The following GRIK4 variants were observed in gnomAD, a reference collection of about 807,000 sequenced individuals.
The protein encoded by GRIK4 is glutamate receptor ionotropic, kainate 4.
In GRIK4, 40 loss-of-function variants were observed where a neutral mutation model predicts 104.9. That is an observed-to-expected ratio of 0.38 (90% CI 0.30 to 0.50). The LOEUF (loss-of-function observed/expected upper bound fraction) is 0.50, where lower values mean the gene tolerates loss of function less well. Ranked by LOEUF, GRIK4 falls within the 20% of genes least tolerant of loss-of-function variation. GRIK4 has a pLI of 0.93. For synonymous variants in GRIK4, 485 were observed against 524.9 expected (o/e 0.92, Z 1.04); for missense variants, 1,047 against 1,308.1 (o/e 0.80, Z 3.08).
chr11:120,636,538 C>T (rs957129506), intron 1 of GRIK4, among the ~76,000 whole-genome samples: 9 of 152,052 alleles, frequency 5.9e-5, no homozygotes. Context: ...TCGGATTCTT[C>T]CCTAGAAAGA....
intron 1 of GRIK4, among the ~76,000 whole-genome samples, chr11:120,630,076 G>A (rs1949315901): frequency 6.6e-6 from 1 of 152,334 alleles, no homozygotes; most frequent in African/African-American, 2.4e-5. Flanking sequence ...GGGTCTAGGA[G>A]TCCTTCTGAG....
chr11:120,634,437 T>C (rs534268341), intron 1 of GRIK4, among the ~76,000 whole-genome samples: 25 of 152,114 alleles, frequency 1.6e-4, no homozygotes, highest in East Asian at 5.9e-4. Flanking sequence ...ATTTCCCAGG[T>C]TGAAAGTTCT....
intron 8 of GRIK4, among the ~76,000 whole-genome samples, chr11:120,845,980 G>A (rs1350165174): frequency 2.6e-5 from 4 of 152,218 alleles, no homozygotes; most frequent in African/African-American, 4.8e-5. Flanking sequence ...TGTCTCCTGG[G>A]CGTGCTTGGG....
In GRIK4 at chr11:120,964,722, A is replaced by T. The variant is rs115689825; in HGVS notation, c.2266+2041A>T. 1.1e-3 allele frequency among the ~76,000 whole-genome samples: 165 copies of T among 152,338 alleles called. 1 individual carries two copies. Among genetic ancestry groups the T allele is most frequent in the African/African-American group, 3.9e-3 (161 of 41,586 alleles). On this transcript the variant is annotated intron_variant, in intron 18 of 20. Coordinates refer to ENST00000527524, the MANE Select transcript of GRIK4 (RefSeq NM_014619.5). The stretch of plus-strand genomic sequence containing the variant: ...AAATGGAAGGAAATTCATTTGCTCT[A>T]TATCTGACATGACACTGTTTTCACA...
chr11:120,784,066 G>A (rs1175642919), intron 3 of GRIK4, among the ~76,000 whole-genome samples: 2 of 152,198 alleles, frequency 1.3e-5, no homozygotes, highest in African/African-American at 4.8e-5. Context: ...TCCCCAGCAT[G>A]TAGAACAGTG....
chr11:120,741,013 G>C (rs1951319404), intron 3 of GRIK4, among the ~76,000 whole-genome samples: 1 of 152,160 alleles, frequency 6.6e-6, no homozygotes, highest in Non-Finnish European at 1.5e-5. Flanking sequence ...CAGTAAAGCT[G>C]TGGATAGTGT....
Position 120,939,115 on chromosome 11 carries a change from G to A in GRIK4, c.1477-1232G>A, listed in dbSNP as rs1290982310. Among the ~76,000 whole-genome samples, 1 of 88,010 alleles carries A rather than the reference G, an allele frequency of 1.1e-5. No individual in the cohort carries two copies. The highest frequency in any genetic ancestry group is 2.9e-5 in the Non-Finnish European group (1 of 34,866). 57.7% of individuals were successfully genotyped at this position (88,010 alleles called of 152,430 possible). On this transcript the variant is annotated intron_variant, in intron 13 of 20. Transcript: ENST00000527524. This position sits in a 1 kb window ranked among gnomAD's most constrained non-coding sequence, Gnocchi z 5.6. The stretch of plus-strand genomic sequence containing the variant: ...AGAGTAGAGGATGCATTAGAACTGA[G>A]CACCAGTTCTGGGCTTTTCCCACTG...
chr11:120,951,204 A>G (rs1943992564), intron 14 of GRIK4, among the ~76,000 whole-genome samples: 1 of 152,184 alleles, frequency 6.6e-6, no homozygotes, highest in Non-Finnish European at 1.5e-5. Flanking sequence ...CCGCAGGCCC[A>G]CCGGCTCCCT....
intron 18 of GRIK4, among the ~76,000 whole-genome samples, chr11:120,965,711 A>G (rs1944372558): frequency 6.6e-6 from 1 of 152,156 alleles, no homozygotes; most frequent in Non-Finnish European, 1.5e-5. Flanking sequence ...TTGCCTCTTA[A>G]AGTGTGGTCC....
intron 3 of GRIK4, among the ~76,000 whole-genome samples, chr11:120,664,697 G>A (rs1054833525): frequency 1.3e-5 from 2 of 152,208 alleles, no homozygotes; most frequent in African/African-American, 4.8e-5. Flanking sequence ...GTGTTCTGCT[G>A]GTAAGGAGTT....
intron 3 of GRIK4, among the ~76,000 whole-genome samples, chr11:120,672,905 A>G (rs1255040518): frequency 6.6e-6 from 1 of 152,196 alleles, no homozygotes; most frequent in Non-Finnish European, 1.5e-5. Flanking sequence ...TTCCTATTTG[A>G]ATATGCTTTA....
At chr11:120,814,205 A>C (rs1187894361) in intron 4 of GRIK4, among the ~76,000 whole-genome samples, 3 of 152,188 alleles carry the variant, frequency 2.0e-5, no homozygotes, top group South Asian at 4.2e-4. Flanking sequence ...AAATCTAGTG[A>C]GAGGAGAGCA....
intron 8 of GRIK4, among the ~76,000 whole-genome samples, chr11:120,851,690 A>G (rs1953977785): frequency 1.3e-5 from 2 of 152,132 alleles, no homozygotes; most frequent in Admixed American, 6.5e-5. Context: ...TCTGTTATGC[A>G]TATCCCTGCC....
In GRIK4 at chr11:120,953,076, C is replaced by A; in HGVS notation, c.1700+112C>A. 2.9e-6 allele frequency: 2 copies of A among 700,020 alleles called. No individual in the cohort carries two copies. Among genetic ancestry groups the A allele is most frequent in the East Asian group, 2.6e-5 (1 of 38,882 alleles). The allele number at this position is 700,020 out of a possible 1,614,324, so 43.4% of individuals were successfully genotyped here. A position where few individuals can be genotyped will look rare whatever the true frequency, so the allele number is the denominator to read the frequency against. ...GAGGGGGAGGAGGAGTTGGGAAGAT[C>A]TTGGTGCCAAACTAGAAGGACAGGA... On this transcript the variant is annotated intron_variant, in intron 15 of 20. Coordinates refer to ENST00000527524, the MANE Select transcript of GRIK4 (RefSeq NM_014619.5). This position sits in a 1 kb window ranked among gnomAD's most constrained non-coding sequence, Gnocchi z 4.9.
intron 3 of GRIK4, among the ~76,000 whole-genome samples, chr11:120,755,002 G>A (rs1168637388): frequency 6.6e-6 from 1 of 152,178 alleles, no homozygotes; most frequent in African/African-American, 2.4e-5. Flanking sequence ...AGTGTCCTTT[G>A]AAGGAACACA....
At chr11:120,867,168 C>A (rs1306641517) in intron 9 of GRIK4, among the ~76,000 whole-genome samples, 2 of 152,042 alleles carry the variant, frequency 1.3e-5, no homozygotes, top group Admixed American at 1.3e-4. Flanking sequence ...CTCACCTCAG[C>A]GTGTGGAAAG....
chr11:120,671,033 C>T (rs2135265475), intron 3 of GRIK4, among the ~76,000 whole-genome samples: 1 of 152,312 alleles, frequency 6.6e-6, no homozygotes, highest in African/African-American at 2.4e-5. Context: ...GACATGAACT[C>T]ATTCTTTTTT....
intron 3 of GRIK4, among the ~76,000 whole-genome samples, chr11:120,782,320 C>G (rs1591906401): frequency 6.8e-6 from 1 of 146,804 alleles, no homozygotes; most frequent in Non-Finnish European, 1.5e-5. Flanking sequence ...GAGTCTCGCT[C>G]TGTCGCCCAG....
At chr11:120,777,444 G>A (rs898916089) in intron 3 of GRIK4, among the ~76,000 whole-genome samples, 9 of 152,314 alleles carry the variant, frequency 5.9e-5, no homozygotes, top group Non-Finnish European at 1.2e-4. Flanking sequence ...TTGTACCTCC[G>A]CTCCAGCCGC....
Sources: gnomAD v4.1 joint callset for allele counts (sites outside exome capture counted in the v4.1 genomes callset) on GRCh38, gnomAD v4.1.1 for gene constraint, Gnocchi (gnomAD v3.1) non-coding constraint, MANE v1.5 for transcripts, NCBI Gene and HGNC (gene_info 2026-07-23, HGNC 2026-07-21) for gene names.